Variants in TRAK2 observed in about 807,000 individuals in gnomAD.
TRAK2 encodes the protein trafficking kinesin-binding protein 2.
In TRAK2, 81 loss-of-function variants were observed where a neutral mutation model predicts 104.6. The ratio of observed to expected loss-of-function variants is 0.77; its 90% CI spans 0.65 to 0.93. The LOEUF (loss-of-function observed/expected upper bound fraction) is 0.93. TRAK2 is among the 40% of genes least tolerant of loss of function. The probability of loss-of-function intolerance (pLI) is 0.00; values close to 1 mark genes in which losing one functional copy is unlikely to be tolerated. For synonymous variants in TRAK2, 406 were observed against 394.4 expected (o/e 1.03, Z -0.35); for missense variants, 1,002 against 1,089.0 (o/e 0.92, Z 1.12).
At chr2:201,420,756 A>AGTGATGCTCTCCGAGTCTCT in intron 1 of TRAK2, 50 bp from the exon 2 acceptor site, 1 of 356,212 alleles carries the variant, frequency 2.8e-6, no homozygotes. Context: ...CTTTAACAAC[A>AGTGATGCTCTCCGAGTCTCT]GGAATCTAAT....
In TRAK2 at chr2:201,380,107, C is replaced by G. The variant is rs1464176237; in HGVS notation, c.*436G>C. 5.3e-6 allele frequency: 1 copy of G among 188,896 alleles called. No individual in the cohort carries two copies. The highest frequency in any genetic ancestry group is 1.1e-5 in the Non-Finnish European group (1 of 89,450). 11.7% of individuals were successfully genotyped at this position (188,896 alleles called of 1,614,324 possible). On this transcript the variant is annotated 3_prime_UTR_variant, in exon 16 of 16. Transcript: ENST00000332624. ...AATAGACTGAGCTTACCCCACCAAC[C>G]CCTCAGAACGGCTTTCTATAAGCAA...
At position 201,381,215 on chromosome 2, in the gene TRAK2, A is replaced by G. The variant is rs1459821088; in HGVS notation, c.2073T>C (p.Ser691=). 4.6e-6 allele frequency: 7 copies of G among 1,538,292 alleles called. No individual in the cohort carries two copies. Among genetic ancestry groups the G allele is most frequent in the Non-Finnish European group, 6.1e-6 (7 of 1,141,832 alleles). Reference sequence around the variant, plus strand: ...TTCCACAGGATAATGAAGGGAACCCAGAGCTTAAAAAAAAAAAAAAAAAGT... The same window carrying G: ...TTCCACAGGATAATGAAGGGAACCCGGAGCTTAAAAAAAAAAAAAAAAAGT... The part of the protein sequence containing the change: ...PSDITQVTPS[S]GFPSLSCGSS... The change falls in exon 16 of 16, where the codon TCT becomes TCC. Residue 691 remains serine (S), a synonymous_variant. Transcript: ENST00000332624.
rs1220589710 is a variant in TRAK2, at chr2:201,409,792, A to G, written c.92-2195T>C. 3.3e-5 allele frequency among the ~76,000 whole-genome samples: 5 copies of G among 152,352 alleles called. No homozygotes were observed. The South Asian group carries it at 1.0e-3, about 32-fold the overall frequency. ...AATCAATACAGCATCAAGATTTTTTACATATTAAAGTGAACACTAATGACT... is the reference window on the plus strand; with the variant it reads ...AATCAATACAGCATCAAGATTTTTTGCATATTAAAGTGAACACTAATGACT... On this transcript the variant is annotated intron_variant, in intron 2 of 15. Coordinates refer to ENST00000332624, the MANE Select transcript of TRAK2 (RefSeq NM_015049.3).
intron 2 of TRAK2, among the ~76,000 whole-genome samples, chr2:201,416,652 T>C (rs1247453893): frequency 6.6e-6 from 1 of 152,090 alleles, no homozygotes; most frequent in Non-Finnish European, 1.5e-5. Flanking sequence ...GTATATAACA[T>C]ATGTAGATGT....
intron 1 of TRAK2, among the ~76,000 whole-genome samples, chr2:201,429,633 CT>C (rs1456480540): frequency 2.0e-5 from 3 of 152,188 alleles, no homozygotes; most frequent in African/African-American, 7.2e-5. Context: ...GAGTGATACC[CT>C]TTCTTCCACT....
At chr2:201,419,744 T>G (rs1951724392) in intron 2 of TRAK2, among the ~76,000 whole-genome samples, 1 of 152,216 alleles carries the variant, frequency 6.6e-6, no homozygotes, top group Admixed American at 6.5e-5. Flanking sequence ...TAAAACAAAC[T>G]TTGGGTTTTG....
chr2:201,392,330 A>T (rs545569797), intron 10 of TRAK2, among the ~76,000 whole-genome samples: 4 of 152,322 alleles, frequency 2.6e-5, no homozygotes, highest in Middle Eastern at 3.4e-3. Context: ...GTATAGTTTC[A>T]GTCTTTTAAA....
At chr2:201,423,860 G>T (rs1163097711) in intron 1 of TRAK2, among the ~76,000 whole-genome samples, 2 of 151,376 alleles carry the variant, frequency 1.3e-5, no homozygotes, top group Non-Finnish European at 2.9e-5. Flanking sequence ...TCTTGGTAAA[G>T]AAAAAAAAGA....
Position 201,397,518 on chromosome 2 carries a change from G to A in TRAK2, c.753C>T (p.Asp251=). Residue 251 remains aspartate, a synonymous_variant, in exon 7 of 16, where the codon GAC becomes GAT. Transcript: ENST00000332624. ...YEEKEQQLVS[D]CVKELRETNA... is the part of the protein sequence containing the mutation. ...AATACTCACGAAGTTCTTTAACACA[G>A]TCGCTGACAAGCTGTTGTTCCTTTT... is the stretch of plus-strand genomic sequence containing the variant. 4 of 1,612,578 alleles carry A rather than the reference G, an allele frequency of 2.5e-6. No homozygotes were observed. Among genetic ancestry groups the A allele is most frequent in the Non-Finnish European group, 3.4e-6 (4 of 1,179,050 alleles).
intron 1 of TRAK2, among the ~76,000 whole-genome samples, chr2:201,440,899 A>G (rs1951915502): frequency 6.6e-6 from 1 of 152,160 alleles, no homozygotes; most frequent in Admixed American, 6.5e-5. Flanking sequence ...ATGGCTGCCC[A>G]CTAGTCATTC....
At chr2:201,389,987 A>G in intron 10 of TRAK2, 107 bp from the exon 11 acceptor site, 1 of 779,622 alleles carries the variant, frequency 1.3e-6, no homozygotes, top group East Asian at 2.7e-5. Flanking sequence ...GGAAATAGTC[A>G]AGGCTAACAT....
chr2:201,443,501 G>A (rs1951941552), intron 1 of TRAK2, among the ~76,000 whole-genome samples: 1 of 152,024 alleles, frequency 6.6e-6, no homozygotes, highest in Admixed American at 6.6e-5. Context: ...TCTTGTTGTA[G>A]CTGCTTTTTC....
chr2:201,402,842 G>C (rs1248235719), intron 3 of TRAK2, among the ~76,000 whole-genome samples: 1 of 152,164 alleles, frequency 6.6e-6, no homozygotes, highest in Non-Finnish European at 1.5e-5. Flanking sequence ...ATTAATTTCA[G>C]GGAGCCCTGT....
intron 13 of TRAK2, 25 bp downstream of exon 13, chr2:201,387,674 CTTAG>C: frequency 1.3e-6 from 2 of 1,533,518 alleles, no homozygotes; most frequent in South Asian, 2.5e-5. Flanking sequence ...AGTCACATGG[CTTAG>C]TAAGGGCCCT....
At chr2:201,436,387 C>T (rs775590694) in intron 1 of TRAK2, among the ~76,000 whole-genome samples, 81 of 152,158 alleles carry the variant, frequency 5.3e-4, no homozygotes, top group East Asian at 2.3e-3. Context: ...AAAATTTAGG[C>T]GCTAGTTTCA....
Position 201,381,138 on chromosome 2 carries a change from T to C in TRAK2, c.2150A>G (p.Tyr717Cys), listed in dbSNP as rs1187200465. The C allele has an allele frequency of 9.3e-6, 15 of 1,613,474 alleles. No homozygotes were observed. The highest frequency in any genetic ancestry group is 3.3e-5 in the Admixed American group (2 of 59,932). Reference sequence around the variant, plus strand: ...GATGGACTCACCAATGCTGAGTCTATAGGACAAGGCAGGAGAATTCACAGC... The same window carrying C: ...GATGGACTCACCAATGCTGAGTCTACAGGACAAGGCAGGAGAATTCACAGC... Reference protein sequence around the residue: ...NTAVNSPALSYRLSIGESITN... With the variant: ...NTAVNSPALSCRLSIGESITN... Residue 717 changes from tyrosine to cysteine, a missense_variant, in exon 16 of 16, where the codon TAT (tyrosine) becomes TGT (cysteine). Tyr to Cys is a radical substitution (Grantham distance 194, BLOSUM62 -2). Coordinates refer to ENST00000332624, the MANE Select transcript of TRAK2 (RefSeq NM_015049.3).
At position 201,438,456 on chromosome 2, in the gene TRAK2, T is replaced by C. The variant is rs1254321059; in HGVS notation, c.-200+12894A>G. Among the ~76,000 whole-genome samples the C allele has an allele frequency of 3.3e-5, 5 of 152,286 alleles. No homozygotes were observed. In the East Asian group the frequency reaches 9.6e-4, roughly 29 times the overall value. The stretch of plus-strand genomic sequence containing the variant: ...CTTTAATCCTCACAATTCCATGAGG[T>C]GAATGTTATTACTGTCATCATTTTA... On this transcript the variant is annotated intron_variant, in intron 1 of 15. Coordinates refer to ENST00000332624, the MANE Select transcript of TRAK2 (RefSeq NM_015049.3).
rs187985464 is a variant in TRAK2 at position 201,427,985 on chromosome 2, G to A, written c.-199-7279C>T. On this transcript the variant is annotated intron_variant, in intron 1 of 15. Transcript: ENST00000332624. ...GTCTTCTTTTGAGAAGTGTCTATTC[G>A]TATCCTTTGCCTACTTTTTGATGGG... Among the ~76,000 whole-genome samples, 356 of 152,178 alleles carry A rather than the reference G, an allele frequency of 2.3e-3. 2 individuals are homozygous for A. The highest frequency in any genetic ancestry group is 7.9e-3 in the African/African-American group (329 of 41,520).
rs1168638743 is a variant in TRAK2, at chr2:201,447,360, C to A, written c.-200+3990G>T. On this transcript the variant is annotated intron_variant, in intron 1 of 15. Transcript: ENST00000332624. This position sits in a 1 kb window ranked among gnomAD's most constrained non-coding sequence, Gnocchi z 4.1. ...GTCAACTTCTATCACCTAACCACAGCTTAAAGCCTTTTTGTATGTCATTCC... is the reference window on the plus strand; with the variant it reads ...GTCAACTTCTATCACCTAACCACAGATTAAAGCCTTTTTGTATGTCATTCC... Among the ~76,000 whole-genome samples, 2 of 152,230 alleles carry A rather than the reference C, an allele frequency of 1.3e-5. No homozygotes were observed. Among genetic ancestry groups the A allele is most frequent in the Non-Finnish European group, 2.9e-5 (2 of 68,038 alleles).
Sources: allele counts gnomAD v4.1 joint callset (sites outside exome capture counted in the v4.1 genomes callset), GRCh38; gene constraint gnomAD v4.1.1; non-coding constraint Gnocchi (gnomAD v3.1); transcripts MANE v1.5; gene names NCBI Gene and HGNC (gene_info 2026-07-23, HGNC 2026-07-21).